The following IL7 variants were observed in gnomAD, a reference collection of about 807,000 sequenced individuals.
IL7 encodes the protein interleukin 7, also known as interleukin-7.
Under a neutral mutation model 21.6 loss-of-function variants are expected in IL7, and 3 were observed. The ratio of observed to expected loss-of-function variants is 0.14; its 90% CI spans 0.06 to 0.36. The LOEUF (loss-of-function observed/expected upper bound fraction) is 0.36, where lower values mean the gene tolerates loss of function less well. Ranked by LOEUF, IL7 falls within the 10% of genes least tolerant of loss-of-function variation. The pLI is 1.00. For missense variants in IL7, 175 were observed against 200.2 expected (o/e 0.87, Z 0.76); for synonymous variants, 62 against 68.1 (o/e 0.91, Z 0.44).
chr8:78,771,395 C>T (rs78475009), intron 2 of IL7, among the ~76,000 whole-genome samples: 2,189 of 152,142 alleles, frequency 0.014, 35 homozygotes, highest in African/African-American at 0.04. Flanking sequence ...CTGGGTCTTC[C>T]GCTGACATAA....
intron 2 of IL7, among the ~76,000 whole-genome samples, chr8:78,776,811 T>A (rs1319261795): frequency 1.3e-5 from 2 of 152,118 alleles, no homozygotes; most frequent in South Asian, 4.1e-4. Flanking sequence ...CACAGAAGGA[T>A]TAAGTAATTT....
intron 1 of IL7, among the ~76,000 whole-genome samples, chr8:78,800,222 C>A (rs1381611696): frequency 2.6e-5 from 4 of 152,172 alleles, no homozygotes; most frequent in African/African-American, 9.7e-5. Flanking sequence ...CAAGTTTCAT[C>A]CATTTTGCTG....
At chr8:78,705,896 C>T (rs1433203613) in intron 3 of IL7, among the ~76,000 whole-genome samples, 3 of 151,852 alleles carry the variant, frequency 2.0e-5, no homozygotes, top group Non-Finnish European at 4.4e-5. Flanking sequence ...GCTGGGTTAC[C>T]ACTTTCGTCC....
At chr8:78,762,973 C>T (rs1254441838) in intron 2 of IL7, among the ~76,000 whole-genome samples, 1 of 152,182 alleles carries the variant, frequency 6.6e-6, no homozygotes, top group African/African-American at 2.4e-5. Flanking sequence ...GATGTTTTGG[C>T]TTTAATTCTG....
chr8:78,752,210 A>G (rs1812197685), intron 2 of IL7, among the ~76,000 whole-genome samples: 1 of 152,178 alleles, frequency 6.6e-6, no homozygotes. Context: ...TGTCTTAGCC[A>G]TTGTGAATAC....
intron 1 of IL7, among the ~76,000 whole-genome samples, chr8:78,804,616 C>G (rs1401486439): frequency 6.6e-6 from 1 of 152,228 alleles, no homozygotes; most frequent in African/African-American, 2.4e-5. Context: ...CTGTGGGCTG[C>G]CACCGCTGAG....
intron 2 of IL7, among the ~76,000 whole-genome samples, chr8:78,794,374 T>C (rs1813789101): frequency 1.3e-5 from 2 of 152,130 alleles, no homozygotes; most frequent in Non-Finnish European, 2.9e-5. Flanking sequence ...AAAACATTAA[T>C]ATCCATCAGC....
At chr8:78,765,363 G>T (rs1812723013) in intron 2 of IL7, among the ~76,000 whole-genome samples, 1 of 151,966 alleles carries the variant, frequency 6.6e-6, no homozygotes, top group South Asian at 2.1e-4. Flanking sequence ...CTTCTGCTTT[G>T]CAAAAAGCAG....
intron 3 of IL7, among the ~76,000 whole-genome samples, chr8:78,707,731 AAG>A (rs975568983): frequency 1.3e-5 from 2 of 152,304 alleles, no homozygotes; most frequent in African/African-American, 2.4e-5. Flanking sequence ...AACTACTGGA[AAG>A]AGAGCTGTGG....
chr8:78,722,819 TAATAGAAAAAC>T (rs2130635418), intron 3 of IL7, among the ~76,000 whole-genome samples: 1 of 151,902 alleles, frequency 6.6e-6, no homozygotes, highest in African/African-American at 2.4e-5. Flanking sequence ...TAAGGTCAAA[TAATAGAAAAAC>T]AATCACATCA....
At chr8:78,717,405 CA>C, downstream of IL7, 2 of 1,612,020 alleles carry the variant, frequency 1.2e-6, no homozygotes, top group South Asian at 2.2e-5. Context: ...GGAAACTTAC[CA>C]AAATTCTGCC....
chr8:78,745,722 C>A (rs998479897), intron 2 of IL7, among the ~76,000 whole-genome samples: 1 of 152,194 alleles, frequency 6.6e-6, no homozygotes, highest in African/African-American at 2.4e-5. Flanking sequence ...CTAAACTCAA[C>A]AAATGAGAGG....
intron 2 of IL7, among the ~76,000 whole-genome samples, chr8:78,769,046 A>C (rs1318071761): frequency 6.6e-6 from 1 of 152,190 alleles, no homozygotes; most frequent in East Asian, 1.9e-4. Context: ...AAATCATAAG[A>C]GCTATCTATG....
At chr8:78,772,767 T>C (rs1232517871) in intron 2 of IL7, among the ~76,000 whole-genome samples, 1 of 152,122 alleles carries the variant, frequency 6.6e-6, no homozygotes, top group Admixed American at 6.6e-5. Flanking sequence ...CACATACATT[T>C]AAGAAAGATT....
At chr8:78,800,846 T>C (rs1814031291) in intron 1 of IL7, among the ~76,000 whole-genome samples, 1 of 152,194 alleles carries the variant, frequency 6.6e-6, no homozygotes, top group Non-Finnish European at 1.5e-5. Context: ...AATTAAATGC[T>C]AGAGTGAAAG....
At chr8:78,731,704 C>G (rs1257437840), downstream of IL7, among the ~76,000 whole-genome samples, 2 of 151,902 alleles carry the variant, frequency 1.3e-5, no homozygotes, top group Non-Finnish European at 2.9e-5. Flanking sequence ...TATTAGCCAA[C>G]CTATCTTGTT....
chr8:78,804,915 T>C lies in IL7; in HGVS notation c.8A>G (p.His3Arg), dbSNP rs574974793. The C allele has an allele frequency of 2.4e-4, 383 of 1,612,926 alleles. 5 individuals are homozygous for C. In the South Asian group the frequency reaches 3.9e-3, roughly 16 times the overall value. Residue 3 changes from histidine (H) to arginine (R), a missense_variant and splice_region_variant, in exon 1 of 6, where the codon CAT becomes CGT. By Grantham distance (29) the His-to-Arg change is conservative (BLOSUM62 0). Transcript: ENST00000263851. The stretch of plus-strand genomic sequence containing the variant: ...GCGCAAGGGAGAAGAGCGCTTACCA[T>C]GGAACATGGTCTGCGGGAGGCGGGC... MF[H>R]VSFRYIFGLP...
downstream of IL7, among the ~76,000 whole-genome samples, chr8:78,730,735 A>T (rs186524202): frequency 6.6e-6 from 1 of 152,002 alleles, no homozygotes; most frequent in African/African-American, 2.4e-5. Flanking sequence ...AAGGAAGACA[A>T]AGATCATAAT....
At chr8:78,695,610 C>G (rs1282668888) in intron 3 of IL7, among the ~76,000 whole-genome samples, 1 of 152,066 alleles carries the variant, frequency 6.6e-6, no homozygotes, top group African/African-American at 2.4e-5. Flanking sequence ...CTTGTTTTCC[C>G]TATTGCTATA....
Sources: gnomAD v4.1 joint callset for allele counts (sites outside exome capture counted in the v4.1 genomes callset) on GRCh38, gnomAD v4.1.1 for gene constraint, MANE v1.5 for transcripts, NCBI Gene and HGNC (gene_info 2026-07-23, HGNC 2026-07-21) for gene names.